The following CLSTN2 variants were observed in gnomAD, a reference collection of about 807,000 sequenced individuals.
CLSTN2 encodes calsyntenin 2, also known as calsyntenin-2.
A neutral mutation model predicts 101.2 loss-of-function variants in CLSTN2; 48 were observed. The observed-to-expected ratio is 0.47, with a 90% CI of 0.38 to 0.60. The LOEUF (loss-of-function observed/expected upper bound fraction) is 0.60, where lower values mean the gene tolerates loss of function less well. Ranked by LOEUF, CLSTN2 falls within the 20% of genes least tolerant of loss-of-function variation. The pLI, the probability that CLSTN2 is intolerant of heterozygous loss-of-function variation, is 0.00. For missense variants in CLSTN2, 1,160 were observed against 1,238.2 expected (o/e 0.94, Z 0.95); for synonymous variants, 481 against 463.6 (o/e 1.04, Z -0.48).
intron 1 of CLSTN2, among the ~76,000 whole-genome samples, chr3:140,143,347 C>A (rs59327241): frequency 6.6e-6 from 1 of 152,040 alleles, no homozygotes; most frequent in East Asian, 1.9e-4. Flanking sequence ...GGCCTGAGAA[C>A]GAGGGGTCCG....
intron 1 of CLSTN2, among the ~76,000 whole-genome samples, chr3:139,967,991 G>T (rs1382015611): frequency 6.6e-6 from 1 of 152,106 alleles, no homozygotes. Flanking sequence ...GTGTGTCTGT[G>T]TGTGTGTGTG....
intron 1 of CLSTN2, among the ~76,000 whole-genome samples, chr3:140,116,357 G>A (rs2009242280): frequency 6.6e-6 from 1 of 152,146 alleles, no homozygotes; most frequent in African/African-American, 2.4e-5. Flanking sequence ...TTAAATTCTA[G>A]CTAGACACCG....
intron 2 of CLSTN2, among the ~76,000 whole-genome samples, chr3:140,244,251 G>A (rs1222296415): frequency 6.6e-6 from 1 of 152,192 alleles, no homozygotes; most frequent in East Asian, 1.9e-4. Context: ...GAATGGAATG[G>A]GTGCAGAGAG....
At chr3:140,303,442 G>T (rs2087079425) in intron 2 of CLSTN2, among the ~76,000 whole-genome samples, 1 of 152,084 alleles carries the variant, frequency 6.6e-6, no homozygotes, top group Non-Finnish European at 1.5e-5. Context: ...AACCTTGACA[G>T]GTCATTTAGC....
chr3:139,990,104 G>T (rs1936092210), intron 1 of CLSTN2, among the ~76,000 whole-genome samples: 1 of 152,122 alleles, frequency 6.6e-6, no homozygotes, highest in African/African-American at 2.4e-5. Context: ...GAGTCATTTT[G>T]GTAATGATTG....
intron 1 of CLSTN2, among the ~76,000 whole-genome samples, chr3:140,163,163 G>A (rs1033274401): frequency 2.6e-5 from 4 of 152,078 alleles, no homozygotes; most frequent in Non-Finnish European, 5.9e-5. Context: ...AAGATATTTT[G>A]TAGATGTGCT....
At chr3:139,983,202 G>A (rs777716073) in intron 1 of CLSTN2, among the ~76,000 whole-genome samples, 9 of 151,940 alleles carry the variant, frequency 5.9e-5, no homozygotes, top group African/African-American at 1.7e-4. Flanking sequence ...TTCGATTGGC[G>A]AAATTTGATT....
intron 4 of CLSTN2, among the ~76,000 whole-genome samples, chr3:140,409,213 G>T (rs2088336888): frequency 6.6e-6 from 1 of 152,186 alleles, no homozygotes; most frequent in South Asian, 2.1e-4. Context: ...ACCACAGTTG[G>T]CTCTGCCCCA....
chr3:140,438,038 A>C (rs893676659), intron 5 of CLSTN2, among the ~76,000 whole-genome samples: 10 of 152,136 alleles, frequency 6.6e-5, no homozygotes, highest in Admixed American at 6.5e-4. Context: ...GTGTCCTTGT[A>C]GTTAGATAGG....
chr3:140,499,802 C>T (rs1559887210), intron 8 of CLSTN2, among the ~76,000 whole-genome samples: 2 of 152,190 alleles, frequency 1.3e-5, no homozygotes, highest in African/African-American at 2.4e-5. Flanking sequence ...CGGTGGCTCA[C>T]ACCTGTAATC....
chr3:140,377,561 A>C (rs747669856), intron 2 of CLSTN2, among the ~76,000 whole-genome samples: 26 of 152,216 alleles, frequency 1.7e-4, no homozygotes, highest in Non-Finnish European at 3.7e-4. Flanking sequence ...TTCATGTCTT[A>C]GTTTTTAACA....
At chr3:140,176,175 C>T in intron 2 of CLSTN2, 102 bp downstream of exon 2, 1 of 1,277,658 alleles carries the variant, frequency 7.8e-7, no homozygotes, top group Non-Finnish European at 1.1e-6. Flanking sequence ...TTGTCACCAC[C>T]CTGTGCATCT....
At chr3:140,049,901 A>G (rs2007958033) in intron 1 of CLSTN2, among the ~76,000 whole-genome samples, 1 of 151,904 alleles carries the variant, frequency 6.6e-6, no homozygotes, top group South Asian at 2.1e-4. Flanking sequence ...TACTTTCTCT[A>G]TTCTGTTTTG....
chr3:140,084,475 C>T (rs1032881593), intron 1 of CLSTN2, among the ~76,000 whole-genome samples: 2 of 152,206 alleles, frequency 1.3e-5, no homozygotes, highest in Middle Eastern at 3.4e-3. Flanking sequence ...TATGTAGATA[C>T]GTATGCATTC....
intron 5 of CLSTN2, among the ~76,000 whole-genome samples, chr3:140,428,545 T>C (rs1302861437): frequency 6.6e-6 from 1 of 152,054 alleles, no homozygotes; most frequent in Non-Finnish European, 1.5e-5. Flanking sequence ...AAGAATCAGC[T>C]CTCCAGCCCC....
At chr3:140,192,743 T>TCTA (rs2010586831) in intron 2 of CLSTN2, among the ~76,000 whole-genome samples, 2 of 152,066 alleles carry the variant, frequency 1.3e-5, no homozygotes, top group African/African-American at 4.8e-5. Flanking sequence ...TGTTTTTCAA[T>TCTA]CTACTCTGCT....
intron 1 of CLSTN2, among the ~76,000 whole-genome samples, chr3:140,167,420 A>T (rs558762239): frequency 6.6e-6 from 1 of 152,122 alleles, no homozygotes; most frequent in Non-Finnish European, 1.5e-5. Flanking sequence ...TGACTGAGTT[A>T]GCACTTCTCT....
chr3:140,027,091 C>G (rs2007437121), intron 1 of CLSTN2, among the ~76,000 whole-genome samples: 1 of 152,170 alleles, frequency 6.6e-6, no homozygotes, highest in African/African-American at 2.4e-5. Context: ...TCATATCAGC[C>G]CTTCTTCTGA....
intron 1 of CLSTN2, among the ~76,000 whole-genome samples, chr3:140,147,202 T>G (rs537163452): frequency 6.6e-6 from 1 of 152,308 alleles, no homozygotes; most frequent in Non-Finnish European, 1.5e-5. Flanking sequence ...CTCTGAGGTG[T>G]GGACTACTCA....
Sources: gnomAD v4.1 joint callset for allele counts (sites outside exome capture counted in the v4.1 genomes callset) on GRCh38, gnomAD v4.1.1 for gene constraint, MANE v1.5 for transcripts, NCBI Gene and HGNC (gene_info 2026-07-23, HGNC 2026-07-21) for gene names.